Variants in KCNIP4 observed in about 807,000 individuals in gnomAD.
KCNIP4 encodes Kv channel-interacting protein 4.
KCNIP4 carries 12 observed loss-of-function variants against 34.0 expected under a neutral mutation model. That is an observed-to-expected ratio of 0.35 (90% CI 0.23 to 0.57). The LOEUF (loss-of-function observed/expected upper bound fraction) is 0.57, where lower values mean the gene tolerates loss of function less well. Ranked by LOEUF, KCNIP4 falls within the 20% of genes least tolerant of loss-of-function variation. KCNIP4 has a pLI of 0.83. For missense variants in KCNIP4, 238 were observed against 311.7 expected (o/e 0.76, Z 1.78); for synonymous variants, 124 against 102.2 (o/e 1.21, Z -1.29).
chr4:21,422,574 T>C (rs1725570802), intron 1 of KCNIP4, among the ~76,000 whole-genome samples: 1 of 151,808 alleles, frequency 6.6e-6, no homozygotes, highest in Non-Finnish European at 1.5e-5. Context: ...CATAAAGCAA[T>C]CTTGGGGGTG....
chr4:21,128,626 G>A (rs915106684), intron 1 of KCNIP4, among the ~76,000 whole-genome samples: 3 of 152,142 alleles, frequency 2.0e-5, no homozygotes, highest in Admixed American at 6.5e-5. Flanking sequence ...CATAGTAGGT[G>A]ATCAATGCAT....
At chr4:21,915,928 C>T (rs1336310422) in intron 1 of KCNIP4, among the ~76,000 whole-genome samples, 1 of 152,176 alleles carries the variant, frequency 6.6e-6, no homozygotes, top group African/African-American at 2.4e-5. Context: ...TGTCTGTGTG[C>T]AAGGCTTGCT....
intron 1 of KCNIP4, among the ~76,000 whole-genome samples, chr4:21,023,212 C>A (rs976230014): frequency 3.3e-5 from 5 of 151,932 alleles, no homozygotes; most frequent in African/African-American, 1.2e-4. Flanking sequence ...TAGTTAAAGA[C>A]CTAAATGAAA....
intron 1 of KCNIP4, among the ~76,000 whole-genome samples, chr4:21,351,375 T>C (rs954707058): frequency 6.6e-6 from 1 of 151,982 alleles, no homozygotes; most frequent in Non-Finnish European, 1.5e-5. Context: ...GATGGTTTTA[T>C]AAAGAGCAGT....
At chr4:21,739,604 A>G (rs774674717) in intron 1 of KCNIP4, among the ~76,000 whole-genome samples, 11 of 152,064 alleles carry the variant, frequency 7.2e-5, no homozygotes, top group African/African-American at 2.7e-4. Flanking sequence ...ATGAATTTCT[A>G]TATCATAAAA....
intron 1 of KCNIP4, among the ~76,000 whole-genome samples, chr4:21,137,395 G>A (rs1388077692): frequency 1.3e-5 from 2 of 152,080 alleles, no homozygotes; most frequent in South Asian, 4.1e-4. Flanking sequence ...GGAAGGCAGG[G>A]TAAATTCTTG....
chr4:20,870,369 C>T (rs1377902794), intron 2 of KCNIP4, among the ~76,000 whole-genome samples: 1 of 152,088 alleles, frequency 6.6e-6, no homozygotes, highest in Non-Finnish European at 1.5e-5. Flanking sequence ...TGCCCCTTCA[C>T]CCGTCCATCA....
At chr4:21,402,337 A>G (rs1723623718) in intron 1 of KCNIP4, among the ~76,000 whole-genome samples, 1 of 152,202 alleles carries the variant, frequency 6.6e-6, no homozygotes, top group South Asian at 2.1e-4. Flanking sequence ...TCTTCCGTGA[A>G]TAGAAAAATG....
intron 1 of KCNIP4, among the ~76,000 whole-genome samples, chr4:21,583,780 A>C (rs1338461158): frequency 2.0e-5 from 3 of 152,030 alleles, no homozygotes; most frequent in Non-Finnish European, 4.4e-5. Flanking sequence ...TTACATGATA[A>C]ACTCGAGAAA....
rs561238682 is a variant in KCNIP4, at chr4:21,333,256, AT to A, written c.62-450548del. Among the ~76,000 whole-genome samples, 717 of 151,890 alleles carry A rather than the reference AT, an allele frequency of 4.7e-3. 3 individuals carry two copies. The highest frequency in any genetic ancestry group is 0.016 in the African/African-American group (667 of 41,440). On this transcript the variant is annotated intron_variant, in intron 1 of 8. Transcript: ENST00000382152. ...ACTTGTTTTCCCTCCTAGAGTATAA[AT>A]TTTTTTTAGGCAAGTACTCTGCCTC...
intron 1 of KCNIP4, among the ~76,000 whole-genome samples, chr4:20,899,269 T>C (rs949741162): frequency 9.9e-5 from 15 of 152,190 alleles, no homozygotes; most frequent in Non-Finnish European, 2.2e-4. Context: ...AACAAATCAA[T>C]GTCCCTAAGA....
At chr4:21,830,538 G>A (rs1334610790) in intron 1 of KCNIP4, among the ~76,000 whole-genome samples, 1 of 151,944 alleles carries the variant, frequency 6.6e-6, no homozygotes, top group South Asian at 2.1e-4. Context: ...AATTCGCCGG[G>A]TGCCACTGTG....
intron 1 of KCNIP4, among the ~76,000 whole-genome samples, chr4:20,938,633 C>A (rs969222003): frequency 2.6e-5 from 4 of 152,162 alleles, no homozygotes; most frequent in African/African-American, 9.7e-5. Flanking sequence ...AGACTGAGCC[C>A]CTCACAGCTT....
At chr4:21,697,535 T>C in intron 1 of KCNIP4, 3 of 1,451,198 alleles carry the variant, frequency 2.1e-6, no homozygotes, top group South Asian at 1.5e-5. Flanking sequence ...GAAACTTCTG[T>C]CTCAGTTTAT....
intron 1 of KCNIP4, among the ~76,000 whole-genome samples, chr4:21,240,140 C>T (rs960578089): frequency 6.2e-5 from 9 of 146,184 alleles, no homozygotes; most frequent in Admixed American, 5.0e-4. Flanking sequence ...AACCAAACAC[C>T]GCATGTTCTC....
In KCNIP4 at chr4:21,343,127, CTTA is replaced by C. The variant is rs544166368; in HGVS notation, c.62-460421_62-460419del. The stretch of plus-strand genomic sequence containing the variant: ...ACCCAATTATAGCAGTCTGCATTTT[CTTA>C]TAATACTGGTGACAGCAGCAAACTT... On this transcript the variant is annotated intron_variant, in intron 1 of 8. Transcript: ENST00000382152. 3.5e-4 allele frequency among the ~76,000 whole-genome samples: 53 copies of C among 152,148 alleles called. No homozygotes were observed. In the South Asian group the frequency reaches 6.0e-3, roughly 17 times the overall value.
intron 1 of KCNIP4, among the ~76,000 whole-genome samples, chr4:21,692,747 T>C (rs1711793248): frequency 6.7e-6 from 1 of 150,286 alleles, no homozygotes; most frequent in Non-Finnish European, 1.5e-5. Flanking sequence ...TTTCAGAGCA[T>C]GCGGGCCAAG....
intron 1 of KCNIP4, among the ~76,000 whole-genome samples, chr4:21,165,790 G>A (rs1042398272): frequency 1.3e-5 from 2 of 152,182 alleles, no homozygotes; most frequent in Non-Finnish European, 2.9e-5. Flanking sequence ...GAATGTTTGT[G>A]TCCTCTCTAA....
intron 1 of KCNIP4, among the ~76,000 whole-genome samples, chr4:21,769,911 A>G (rs1049174363): frequency 1.3e-5 from 2 of 152,150 alleles, no homozygotes; most frequent in Admixed American, 1.3e-4. Context: ...TATTATTGTG[A>G]GGTTACTAAA....
Sources: gnomAD v4.1 joint callset for allele counts (sites outside exome capture counted in the v4.1 genomes callset) on GRCh38, gnomAD v4.1.1 for gene constraint, MANE v1.5 for transcripts, NCBI Gene and HGNC (gene_info 2026-07-23, HGNC 2026-07-21) for gene names.